Variants in NRP1 observed in about 807,000 individuals in gnomAD.
The protein encoded by NRP1 is neuropilin 1.
A neutral mutation model predicts 106.7 loss-of-function variants in NRP1; 35 were observed. The ratio of observed to expected loss-of-function variants is 0.33; its 90% CI spans 0.25 to 0.43. The LOEUF (loss-of-function observed/expected upper bound fraction) is 0.43. Among genes scored for constraint, NRP1 ranks in the 20% least tolerant of loss-of-function variants. NRP1 has a pLI of 1.00. For missense variants in NRP1, 1,024 were observed against 1,170.4 expected (o/e 0.87, Z 1.83); for synonymous variants, 437 against 417.9 (o/e 1.05, Z -0.56).
At chr10:33,187,366 T>C (rs1836081306) in intron 13 of NRP1, among the ~76,000 whole-genome samples, 1 of 152,214 alleles carries the variant, frequency 6.6e-6, no homozygotes, top group Non-Finnish European at 1.5e-5. Flanking sequence ...TAGTAATCTT[T>C]TTTTTTATAC....
intron 11 of NRP1, among the ~76,000 whole-genome samples, chr10:33,200,559 A>C (rs1041620951): frequency 2.0e-5 from 3 of 152,220 alleles, no homozygotes; most frequent in Non-Finnish European, 4.4e-5. Flanking sequence ...TAAAGACAGC[A>C]TTGATCCCAA....
At chr10:33,220,784 C>G (rs920310043) in intron 8 of NRP1, among the ~76,000 whole-genome samples, 13 of 151,084 alleles carry the variant, frequency 8.6e-5, no homozygotes, top group Admixed American at 5.3e-4. Context: ...TGTAGTAGTA[C>G]CAGCTACTCA....
At chr10:33,235,720 G>C (rs969046557) in intron 6 of NRP1, among the ~76,000 whole-genome samples, 1 of 152,224 alleles carries the variant, frequency 6.6e-6, no homozygotes, top group African/African-American at 2.4e-5. Flanking sequence ...CAAAGAGGGA[G>C]AAAATGAAAT....
intron 2 of NRP1, among the ~76,000 whole-genome samples, chr10:33,285,461 T>G (rs952937199): frequency 1.3e-5 from 2 of 152,214 alleles, no homozygotes; most frequent in Non-Finnish European, 2.9e-5. Flanking sequence ...TTCTAGGTGA[T>G]GATGAGAAAT....
intron 2 of NRP1, among the ~76,000 whole-genome samples, chr10:33,305,308 T>C (rs1376718383): frequency 6.6e-6 from 1 of 152,222 alleles, no homozygotes; most frequent in Non-Finnish European, 1.5e-5. Flanking sequence ...TGATGCATGT[T>C]GGAAACCTTT....
intron 10 of NRP1, chr10:33,206,040 T>C (rs960726034): frequency 3.4e-5 from 12 of 349,230 alleles, no homozygotes; most frequent in African/African-American, 2.6e-4. Flanking sequence ...AGAAGCAAGA[T>C]GGAGTCAGTT....
intron 6 of NRP1, among the ~76,000 whole-genome samples, chr10:33,253,330 G>A (rs1841992384): frequency 2.0e-5 from 3 of 152,156 alleles, no homozygotes; most frequent in South Asian, 2.1e-4. Context: ...GTGGGGATGT[G>A]GGGCAGACGA....
chr10:33,194,805 C>T (rs1191648703), intron 12 of NRP1: 1 of 509,656 alleles, frequency 2.0e-6, no homozygotes, highest in Non-Finnish European at 4.0e-6. Context: ...ACACAAACCA[C>T]CCATAAACAT....
intron 11 of NRP1, among the ~76,000 whole-genome samples, chr10:33,197,994 C>A (rs528873811): frequency 6.7e-6 from 1 of 149,188 alleles, no homozygotes; most frequent in African/African-American, 2.5e-5. Context: ...TGGCATACAA[C>A]GTGATGTTTT....
At chr10:33,224,138 G>GTTTCATTAGATTGTGA (rs1839471302) in intron 7 of NRP1, among the ~76,000 whole-genome samples, 2 of 152,170 alleles carry the variant, frequency 1.3e-5, no homozygotes, top group African/African-American at 4.8e-5. Context: ...GGATGTTCTG[G>GTTTCATTAGATTGTGA]TTTCATTAGA....
chr10:33,207,752 A>T (rs1315551708), intron 9 of NRP1, 36 bp from the exon 10 acceptor site: 20 of 1,594,748 alleles, frequency 1.3e-5, no homozygotes, highest in Non-Finnish European at 1.5e-5. Flanking sequence ...ATTAAGGAAA[A>T]AAAAAAACAG....
At chr10:33,225,999 C>G in intron 7 of NRP1, 135 bp downstream of exon 7, 1 of 950,082 alleles carries the variant, frequency 1.1e-6, no homozygotes, top group Non-Finnish European at 1.6e-6. Flanking sequence ...TAGATTTAAA[C>G]CTCTAATTGC....
intron 3 of NRP1, among the ~76,000 whole-genome samples, chr10:33,270,433 T>A (rs919666074): frequency 6.6e-6 from 1 of 151,992 alleles, no homozygotes; most frequent in Non-Finnish European, 1.5e-5. Flanking sequence ...TTCAAGTGAT[T>A]CTCCCGCCTT....
intron 6 of NRP1, among the ~76,000 whole-genome samples, chr10:33,232,947 T>G (rs759262463): frequency 4.6e-5 from 7 of 152,110 alleles, no homozygotes; most frequent in Non-Finnish European, 8.8e-5. Flanking sequence ...CGTGCCCAGC[T>G]GGTGACCACT....
chr10:33,243,460 T>C (rs1366801385), intron 6 of NRP1, among the ~76,000 whole-genome samples: 1 of 152,228 alleles, frequency 6.6e-6, no homozygotes. Flanking sequence ...AGAATTTCAC[T>C]GATAGCCTTC....
chr10:33,267,097 C>G (rs558781117), intron 3 of NRP1, among the ~76,000 whole-genome samples: 1 of 152,124 alleles, frequency 6.6e-6, no homozygotes, highest in Non-Finnish European at 1.5e-5. Flanking sequence ...GCTCCTGCTC[C>G]GGCCATTGTG....
At chr10:33,210,831 A>C (rs1838242182) in intron 9 of NRP1, among the ~76,000 whole-genome samples, 1 of 152,218 alleles carries the variant, frequency 6.6e-6, no homozygotes. Context: ...TTCACTTGTA[A>C]AATTAAATAT....
At chr10:33,297,686 CAAAAAAAAAAA>C (rs10711145) in intron 2 of NRP1, among the ~76,000 whole-genome samples, 2 of 95,986 alleles carry the variant, frequency 2.1e-5, no homozygotes, top group African/African-American at 8.6e-5. Flanking sequence ...GACTTTGTCT[CAAAAAAAAAAA>C]AAAAAAAAAA....
rs563808988 is a variant in NRP1 at position 33,266,620 on chromosome 10, T to C, written c.431-2747A>G. 5.9e-5 allele frequency among the ~76,000 whole-genome samples: 9 copies of C among 152,288 alleles called. No individual in the cohort carries two copies. The South Asian group carries it at 1.7e-3, about 28-fold the overall frequency. ...AATGGCAGAAAAGGGGTTAAGAAAGTCCATGGTGAATACACGTGATAGTGT... is the reference window on the plus strand; with the variant it reads ...AATGGCAGAAAAGGGGTTAAGAAAGCCCATGGTGAATACACGTGATAGTGT... On this transcript the variant is annotated intron_variant, in intron 3 of 16. Coordinates refer to ENST00000374867, the MANE Select transcript of NRP1 (RefSeq NM_003873.7).
Sources: gnomAD v4.1 joint callset for allele counts (sites outside exome capture counted in the v4.1 genomes callset) on GRCh38, gnomAD v4.1.1 for gene constraint, MANE v1.5 for transcripts, NCBI Gene and HGNC (gene_info 2026-07-23, HGNC 2026-07-21) for gene names.